The following CPE variants were observed in gnomAD, a reference collection of about 807,000 sequenced individuals.
CPE encodes the protein carbocypeptidase E.
Under a neutral mutation model 53.5 loss-of-function variants are expected in CPE, and 17 were observed. The observed-to-expected ratio is 0.32, with a 90% CI of 0.22 to 0.48. CPE has a LOEUF of 0.48. Among genes scored for constraint, CPE ranks in the 20% least tolerant of loss-of-function variants. The probability of loss-of-function intolerance (pLI) is 0.99; values close to 1 mark genes in which losing one functional copy is unlikely to be tolerated. For missense variants in CPE, 524 were observed against 614.7 expected (o/e 0.85, Z 1.56); for synonymous variants, 226 against 228.8 (o/e 0.99, Z 0.11).
At position 165,464,409 on chromosome 4, in the gene CPE, C is replaced by T. The variant is rs747397022; in HGVS notation, c.327C>T (p.Tyr109=). 6.2e-7 allele frequency: 1 copy of T among 1,608,876 alleles called. No homozygotes were observed. The highest frequency in any genetic ancestry group is 8.5e-7 in the Non-Finnish European group (1 of 1,177,556). Residue 109 remains tyrosine, a synonymous_variant, in exon 2 of 9, where the codon TAC becomes TAT. Coordinates refer to ENST00000402744, the MANE Select transcript of CPE (RefSeq NM_001873.4). ...TTTTAGGTGAGCCTGAATTTAAATA[C>T]ATTGGGAATATGCATGGGAATGAGG... The part of the protein sequence containing the change: ...VHEPGEPEFK[Y]IGNMHGNEAV...
At chr4:165,451,565 C>G (rs1731810339) in intron 1 of CPE, among the ~76,000 whole-genome samples, 1 of 152,090 alleles carries the variant, frequency 6.6e-6, no homozygotes, top group Non-Finnish European at 1.5e-5. Flanking sequence ...GATCTCTGTT[C>G]ACTGCAACCT....
At chr4:165,425,349 C>G (rs997729977) in intron 1 of CPE, among the ~76,000 whole-genome samples, 9 of 150,692 alleles carry the variant, frequency 6.0e-5, no homozygotes, top group Admixed American at 2.0e-4. Context: ...AAAAAAATTA[C>G]TATTTCTTCT....
intron 1 of CPE, among the ~76,000 whole-genome samples, chr4:165,435,400 G>A (rs1291705986): frequency 2.0e-5 from 3 of 152,154 alleles, no homozygotes; most frequent in African/African-American, 7.2e-5. Context: ...AGAGATGAAA[G>A]CTTGAGTTTG....
chr4:165,439,408 T>A (rs1227420949), intron 1 of CPE, among the ~76,000 whole-genome samples: 44 of 152,298 alleles, frequency 2.9e-4, no homozygotes, highest in Non-Finnish European at 1.6e-4. Flanking sequence ...TGTGTCTTTA[T>A]TGTTGGTCAT....
chr4:165,392,655 A>T (rs1038475221), intron 1 of CPE, among the ~76,000 whole-genome samples: 2 of 147,048 alleles, frequency 1.4e-5, no homozygotes, highest in African/African-American at 4.9e-5. Flanking sequence ...ATGAAATGTT[A>T]TACATATTTT....
At chr4:165,417,386 G>A (rs1490607887) in intron 1 of CPE, among the ~76,000 whole-genome samples, 1 of 152,146 alleles carries the variant, frequency 6.6e-6, no homozygotes, top group Non-Finnish European at 1.5e-5. Flanking sequence ...AAGAGCCTGG[G>A]CTTCACAGAG....
chr4:165,464,341 G>A, intron 1 of CPE, 49 bp from the exon 2 acceptor site: 1 of 1,409,954 alleles, frequency 7.1e-7, no homozygotes, highest in Non-Finnish European at 9.6e-7. Context: ...AATATATTTG[G>A]CTCTGTATGT....
At chr4:165,444,094 C>T (rs1731660910) in intron 1 of CPE, among the ~76,000 whole-genome samples, 3 of 152,106 alleles carry the variant, frequency 2.0e-5, no homozygotes, top group Admixed American at 6.6e-5. Context: ...GTTGTAACAG[C>T]CTGAATGGAC....
At chr4:165,404,397 C>T (rs369974818) in intron 1 of CPE, 17 of 764,432 alleles carry the variant, frequency 2.2e-5, no homozygotes, top group Non-Finnish European at 3.4e-5. Flanking sequence ...GCTAAAATAC[C>T]GTTCATGTCA....
chr4:165,482,592 T>A (rs1732433967), intron 4 of CPE, among the ~76,000 whole-genome samples: 1 of 152,232 alleles, frequency 6.6e-6, no homozygotes, highest in African/African-American at 2.4e-5. Flanking sequence ...AAACGTGATC[T>A]TGACAGTACC....
intron 5 of CPE, among the ~76,000 whole-genome samples, chr4:165,486,286 C>T (rs1414750454): frequency 6.6e-6 from 1 of 152,144 alleles, no homozygotes; most frequent in Admixed American, 6.5e-5. Flanking sequence ...TAAAAGCAAT[C>T]TGGTGGGCAC....
chr4:165,388,523 G>A (rs982169437), intron 1 of CPE, among the ~76,000 whole-genome samples: 2 of 152,068 alleles, frequency 1.3e-5, no homozygotes, highest in South Asian at 2.1e-4. Context: ...ATGCCATTGC[G>A]TTCCTTGAAA....
At chr4:165,430,486 A>G (rs1340452358) in intron 1 of CPE, among the ~76,000 whole-genome samples, 6 of 152,182 alleles carry the variant, frequency 3.9e-5, no homozygotes, top group African/African-American at 1.4e-4. Context: ...GAAAAGTTTT[A>G]TTAATTAAAA....
intron 1 of CPE, among the ~76,000 whole-genome samples, chr4:165,456,974 C>T (rs1339675864): frequency 1.3e-5 from 2 of 151,864 alleles, no homozygotes; most frequent in Non-Finnish European, 2.9e-5. Flanking sequence ...CTCCTGACCT[C>T]GTGATCCACC....
intron 1 of CPE, among the ~76,000 whole-genome samples, chr4:165,428,343 C>A (rs1405741133): frequency 6.6e-6 from 1 of 152,210 alleles, no homozygotes; most frequent in East Asian, 1.9e-4. Flanking sequence ...TTGTGCCTGG[C>A]TGTCCTGTAT....
intron 1 of CPE, among the ~76,000 whole-genome samples, chr4:165,434,750 G>A (rs1020784527): frequency 2.6e-5 from 4 of 152,210 alleles, no homozygotes; most frequent in South Asian, 2.1e-4. Context: ...AGTTGAGTGC[G>A]TGATAACACA....
At chr4:165,427,856 T>C (rs1021668228) in intron 1 of CPE, among the ~76,000 whole-genome samples, 3 of 145,992 alleles carry the variant, frequency 2.1e-5, no homozygotes, top group African/African-American at 7.6e-5. Context: ...ACATTTGATA[T>C]TTAATTTAGA....
chr4:165,409,099 A>G (rs1730996505), intron 1 of CPE, among the ~76,000 whole-genome samples: 3 of 152,218 alleles, frequency 2.0e-5, no homozygotes, highest in Admixed American at 2.0e-4. Flanking sequence ...AAGCAAGTAT[A>G]TGGCGGAGTG....
At chr4:165,447,276 G>T (rs1731731606) in intron 1 of CPE, among the ~76,000 whole-genome samples, 1 of 152,036 alleles carries the variant, frequency 6.6e-6, no homozygotes, top group African/African-American at 2.4e-5. Flanking sequence ...AATTTATTAA[G>T]AAATATTTTT....
Sources: gnomAD v4.1 joint callset for allele counts (sites outside exome capture counted in the v4.1 genomes callset) on GRCh38, gnomAD v4.1.1 for gene constraint, MANE v1.5 for transcripts, NCBI Gene and HGNC (gene_info 2026-07-23, HGNC 2026-07-21) for gene names.